TMEM220: variants seen among roughly 807,000 people sequenced by gnomAD.
TMEM220 encodes the protein transmembrane protein 220.
Under a neutral mutation model 21.7 loss-of-function variants are expected in TMEM220, and 21 were observed. The observed-to-expected ratio is 0.97, with a 90% CI of 0.69 to 1.39. The LOEUF is 1.39. Among genes scored for constraint, TMEM220 ranks in the 40% most tolerant of loss-of-function variants. The probability of loss-of-function intolerance (pLI) is 0.00; values close to 1 mark genes in which losing one functional copy is unlikely to be tolerated. For missense variants in TMEM220, 191 were observed against 201.9 expected (o/e 0.95, Z 0.33); for synonymous variants, 80 against 73.6 (o/e 1.09, Z -0.45).
downstream of TMEM220, chr17:10,711,163 G>C (rs1249050510): frequency 6.4e-7 from 1 of 1,565,208 alleles, no homozygotes; most frequent in South Asian, 1.2e-5. Flanking sequence ...ATTTTAACTT[G>C]ATAGAAAATG....
Position 10,729,830 on chromosome 17 carries a change from C to T in TMEM220, c.22G>A (p.Ala8Thr). The change falls in exon 1 of 6, where the codon GCC (alanine) becomes ACC (threonine). Residue 8 changes from alanine to threonine, a missense_variant. By Grantham distance (58) the Ala-to-Thr change is moderately conservative. Coordinates refer to ENST00000341871, the MANE Select transcript of TMEM220 (RefSeq NM_001004313.3). MAPALWR[A>T]CNGLMAAFFA... Reference sequence around the variant, plus strand: ...AAGGCGGCCATGAGTCCGTTGCAGGCCCGCCACAGCGCTGGCGCCATGGCT... The same window carrying T: ...AAGGCGGCCATGAGTCCGTTGCAGGTCCGCCACAGCGCTGGCGCCATGGCT... The T allele has an allele frequency of 1.4e-6, 2 of 1,398,692 alleles. No homozygotes were observed. Among genetic ancestry groups the T allele is most frequent in the Admixed American group, 2.5e-5 (1 of 40,672 alleles). 86.6% of individuals were successfully genotyped at this position (1,398,692 alleles called of 1,614,324 possible).
Position 10,714,731 on chromosome 17 carries a change from A to G in TMEM220, c.*722T>C, listed in dbSNP as rs1188563943. The G allele has an allele frequency of 6.6e-6, 1 of 152,264 alleles. No homozygotes were observed. The highest frequency in any genetic ancestry group is 2.4e-5 in the African/African-American group (1 of 41,438). The allele number at this position is 152,264 out of a possible 1,614,324, so 9.4% of individuals were successfully genotyped here. A position where few individuals can be genotyped will look rare whatever the true frequency, so the allele number is the denominator to read the frequency against. ...TCAGGAATTCAAGACCAGCCTGGAC[A>G]ACACGGTGAAACCCTGCCTCTACAA... On this transcript the variant is annotated 3_prime_UTR_variant, in exon 6 of 6. Transcript: ENST00000341871.
intron 2 of TMEM220, among the ~76,000 whole-genome samples, chr17:10,728,300 CTTT>C (rs952367756): frequency 9.5e-5 from 13 of 136,354 alleles, no homozygotes; most frequent in African/African-American, 3.0e-4. Context: ...TTTTTTTTTT[CTTT>C]TTTTTCTTTG....
intron 1 of TMEM220, 101 bp downstream of exon 1, chr17:10,729,679 G>A: frequency 9.8e-7 from 1 of 1,025,512 alleles, no homozygotes; most frequent in Non-Finnish European, 1.3e-6. Context: ...CACTAACTGT[G>A]CGCCCCTGCG....
chr17:10,720,258 T>C (rs1221076603), intron 5 of TMEM220, among the ~76,000 whole-genome samples: 1 of 152,248 alleles, frequency 6.6e-6, no homozygotes, highest in Non-Finnish European at 1.5e-5. Context: ...TATATGCATA[T>C]GGCTATTAAC....
rs140992058 is a variant in TMEM220, at chr17:10,727,285, G to A, written c.103-1021C>T. Among the ~76,000 whole-genome samples the A allele has an allele frequency of 1.0e-3, 154 of 152,148 alleles. 1 individual carries two copies. In the East Asian group the frequency reaches 0.022, roughly 22 times the overall value. ...CAGCCTCTTGAGTAACTGGGACTACGGATGCCTGCCACCATGCCCGACTCA... is the reference window on the plus strand; with the variant it reads ...CAGCCTCTTGAGTAACTGGGACTACAGATGCCTGCCACCATGCCCGACTCA... On this transcript the variant is annotated intron_variant, in intron 2 of 5. Coordinates refer to ENST00000341871, the MANE Select transcript of TMEM220 (RefSeq NM_001004313.3).
chr17:10,729,755 C>A (rs771608669), intron 1 of TMEM220, 25 bp downstream of exon 1: 3 of 1,342,000 alleles, frequency 2.2e-6, no homozygotes, highest in African/African-American at 3.1e-5. Flanking sequence ...CCGGGCGGGT[C>A]CCCCTCCCAC....
intron 5 of TMEM220, among the ~76,000 whole-genome samples, chr17:10,717,815 A>C (rs1400115453): frequency 6.6e-6 from 1 of 151,538 alleles, no homozygotes; most frequent in African/African-American, 2.4e-5. Context: ...TTAAATTATG[A>C]ACTCGATTTT....
In TMEM220 at chr17:10,714,035, G is replaced by A. The variant is rs749659405; in HGVS notation, c.*1418C>T. The A allele has an allele frequency of 2.3e-4, 35 of 152,082 alleles. No individual in the cohort carries two copies. Among genetic ancestry groups the A allele is most frequent in the Non-Finnish European group, 3.4e-4 (23 of 68,032 alleles). 9.4% of individuals were successfully genotyped at this position (152,082 alleles called of 1,614,324 possible). A position where few individuals can be genotyped will look rare whatever the true frequency, so the allele number is the denominator to read the frequency against. ...TTGCCATCTAGATACTTAAATACAG[G>A]ACTGTCCAACAGAAATGCAATGTAA... On this transcript the variant is annotated 3_prime_UTR_variant, in exon 6 of 6. Coordinates refer to ENST00000341871, the MANE Select transcript of TMEM220 (RefSeq NM_001004313.3).
At chr17:10,717,380 A>G (rs1168199395) in intron 5 of TMEM220, among the ~76,000 whole-genome samples, 1 of 152,204 alleles carries the variant, frequency 6.6e-6, no homozygotes, top group Non-Finnish European at 1.5e-5. Flanking sequence ...TTTAACATAA[A>G]TGGATGCTGA....
At chr17:10,712,373 AG>A (rs1244123794), downstream of TMEM220, among the ~76,000 whole-genome samples, 5 of 152,226 alleles carry the variant, frequency 3.3e-5, no homozygotes, top group African/African-American at 9.6e-5. Context: ...CCCCCATCTC[AG>A]GGTGGGTTAA....
At position 10,714,219 on chromosome 17, in the gene TMEM220, T is replaced by C. The variant is rs1180793293; in HGVS notation, c.*1234A>G. 1 of 152,242 alleles carries C rather than the reference T, an allele frequency of 6.6e-6. No individual in the cohort carries two copies. The highest frequency in any genetic ancestry group is 1.5e-5 in the Non-Finnish European group (1 of 68,038). The allele number at this position is 152,242 out of a possible 1,614,324, so 9.4% of individuals were successfully genotyped here. A position where few individuals can be genotyped will look rare whatever the true frequency, so the allele number is the denominator to read the frequency against. On this transcript the variant is annotated 3_prime_UTR_variant, in exon 6 of 6. Coordinates refer to ENST00000341871, the MANE Select transcript of TMEM220 (RefSeq NM_001004313.3). ...TAAAATCCAGTGTATTTTACATTTA[T>C]AGCCCCACTCATTTGGACACTAAAT...
chr17:10,715,125 A>T lies in TMEM220; in HGVS notation c.*328T>A, dbSNP rs528108398. 8 of 196,198 alleles carry T rather than the reference A, an allele frequency of 4.1e-5. No individual in the cohort carries two copies. The East Asian group carries it at 1.3e-3, about 31-fold the overall frequency. The allele number at this position is 196,198 out of a possible 1,614,324, so 12.2% of individuals were successfully genotyped here. On this transcript the variant is annotated 3_prime_UTR_variant, in exon 6 of 6. Transcript: ENST00000341871. The stretch of plus-strand genomic sequence containing the variant: ...ATCTGGCATTAATCCTATTTTATAG[A>T]TAAATATCCACCAGGAGGTTTATAT...
chr17:10,722,792 C>T (rs1236884904), intron 5 of TMEM220, among the ~76,000 whole-genome samples: 1 of 152,206 alleles, frequency 6.6e-6, no homozygotes, highest in Admixed American at 6.5e-5. Flanking sequence ...AGGCTGACAA[C>T]TGCCCATGAC....
intron 3 of TMEM220, 36 bp downstream of exon 3, chr17:10,726,168 T>C: frequency 1.9e-6 from 3 of 1,575,632 alleles, no homozygotes; most frequent in Non-Finnish European, 1.7e-6. Context: ...GGAAATCTGA[T>C]TTGCTGTCTC....
chr17:10,722,364 A>G (rs898310777), intron 5 of TMEM220, among the ~76,000 whole-genome samples: 9 of 152,120 alleles, frequency 5.9e-5, no homozygotes, highest in Non-Finnish European at 1.5e-5. Flanking sequence ...CTTTACCTTT[A>G]CATTTAATGT....
chr17:10,724,712 T>C (rs2075028706), intron 4 of TMEM220, among the ~76,000 whole-genome samples: 1 of 152,124 alleles, frequency 6.6e-6, no homozygotes, highest in South Asian at 2.1e-4. Context: ...TATTACTGTA[T>C]CATACCGTTG....
intron 5 of TMEM220, among the ~76,000 whole-genome samples, chr17:10,719,998 G>A (rs1003883608): frequency 1.3e-5 from 2 of 152,162 alleles, no homozygotes; most frequent in Non-Finnish European, 2.9e-5. Flanking sequence ...TAAGAGAAAT[G>A]CAAGCTAAAA....
intron 3 of TMEM220, among the ~76,000 whole-genome samples, chr17:10,725,340 C>T (rs1254508002): frequency 6.6e-6 from 1 of 152,166 alleles, no homozygotes; most frequent in Non-Finnish European, 1.5e-5. Flanking sequence ...TTGGGTTGTT[C>T]AGCAGCTCCC....
Sources: gnomAD v4.1 joint callset for allele counts (sites outside exome capture counted in the v4.1 genomes callset) on GRCh38, gnomAD v4.1.1 for gene constraint, MANE v1.5 for transcripts, NCBI Gene and HGNC (gene_info 2026-07-23, HGNC 2026-07-21) for gene names.